The following PTPRN2 variants were observed in gnomAD, a reference collection of about 807,000 sequenced individuals.
PTPRN2 encodes protein tyrosine phosphatase receptor type N2.
A neutral mutation model predicts 118.8 loss-of-function variants in PTPRN2; 74 were observed. That is an observed-to-expected ratio of 0.62 (90% CI 0.52 to 0.76). PTPRN2 has a LOEUF of 0.76. PTPRN2 is among the 30% of genes least tolerant of loss of function. PTPRN2 has a pLI of 0.00. For missense variants in PTPRN2, 1,481 were observed against 1,394.4 expected (o/e 1.06, Z -0.99); for synonymous variants, 641 against 608.0 (o/e 1.05, Z -0.80).
chr7:157,623,444 A>G (rs1370209749), intron 14 of PTPRN2, among the ~76,000 whole-genome samples: 2 of 152,218 alleles, frequency 1.3e-5, no homozygotes, highest in African/African-American at 2.4e-5. Context: ...ATCCATCACA[A>G]ACAAATGGGC....
chr7:158,173,030 A>G (rs941012841), intron 5 of PTPRN2, among the ~76,000 whole-genome samples: 1 of 149,278 alleles, frequency 6.7e-6, no homozygotes, highest in Non-Finnish European at 1.5e-5. Context: ...CCATAGCAGG[A>G]TCCCCACCAT....
intron 12 of PTPRN2, among the ~76,000 whole-genome samples, chr7:157,762,725 C>A (rs1802210936): frequency 6.6e-6 from 1 of 151,784 alleles, no homozygotes; most frequent in Non-Finnish European, 1.5e-5. Context: ...GCACATGTAC[C>A]CTAAAACTTA....
chr7:157,947,750 G>A (rs896624111), intron 11 of PTPRN2, among the ~76,000 whole-genome samples: 5 of 152,140 alleles, frequency 3.3e-5, no homozygotes, highest in African/African-American at 7.2e-5. Flanking sequence ...AGAGATCCAT[G>A]CTGACATATT....
Position 157,568,882 on chromosome 7 carries a change from C to G in PTPRN2, c.2902+20G>C. On this transcript the variant is annotated intron_variant, in intron 21 of 22. Coordinates refer to ENST00000389418, the MANE Select transcript of PTPRN2 (RefSeq NM_002847.5). ...ATCCCAGCTCTGAGCCGCAACAAAG[C>G]GGCAGTGTCTGTGTCTCACCTTTGG... 1.3e-6 allele frequency: 2 copies of G among 1,537,544 alleles called. No individual in the cohort carries two copies. Among genetic ancestry groups the G allele is most frequent in the Non-Finnish European group, 1.8e-6 (2 of 1,110,662 alleles).
At chr7:157,688,234 T>C (rs373216521) in intron 12 of PTPRN2, among the ~76,000 whole-genome samples, 54 of 152,350 alleles carry the variant, frequency 3.5e-4, no homozygotes, top group African/African-American at 1.3e-3. Context: ...TAAAAGTGAA[T>C]ATACAAGAAA....
intron 12 of PTPRN2, among the ~76,000 whole-genome samples, chr7:157,689,358 G>C (rs942170116): frequency 1.3e-5 from 2 of 152,202 alleles, no homozygotes; most frequent in East Asian, 3.9e-4. Context: ...GCGCAGCTCG[G>C]GGGGCGGGAC....
At chr7:157,983,359 C>A (rs553799578) in intron 11 of PTPRN2, among the ~76,000 whole-genome samples, 1 of 151,188 alleles carries the variant, frequency 6.6e-6, no homozygotes, top group South Asian at 2.1e-4. Flanking sequence ...CCCCCTAAAC[C>A]CCGAGTCATA....
chr7:157,714,466 C>T (rs956347373), intron 12 of PTPRN2, among the ~76,000 whole-genome samples: 20 of 152,060 alleles, frequency 1.3e-4, no homozygotes, highest in South Asian at 4.1e-4. Flanking sequence ...TTATCCAGGG[C>T]GAGCTACTAT....
chr7:157,541,981 C>G (rs1288147784), intron 22 of PTPRN2, among the ~76,000 whole-genome samples: 2 of 152,212 alleles, frequency 1.3e-5, no homozygotes, highest in African/African-American at 2.4e-5. Flanking sequence ...CGTGTTAGAA[C>G]CTATTATTAA....
At chr7:157,564,600 A>G (rs542373717) in intron 21 of PTPRN2, among the ~76,000 whole-genome samples, 8 of 152,254 alleles carry the variant, frequency 5.3e-5, no homozygotes, top group Non-Finnish European at 8.8e-5. Flanking sequence ...AAATACAAAC[A>G]GCCCACTTCA....
intron 12 of PTPRN2, among the ~76,000 whole-genome samples, chr7:157,833,566 C>T (rs1468082138): frequency 6.6e-6 from 1 of 151,630 alleles, no homozygotes; most frequent in African/African-American, 2.4e-5. Flanking sequence ...GTGGCCGGTG[C>T]CCATCTATCC....
chr7:158,155,538 T>A (rs1418093958), intron 6 of PTPRN2, among the ~76,000 whole-genome samples: 1 of 56,772 alleles, frequency 1.8e-5, no homozygotes, highest in Non-Finnish European at 3.8e-5. Flanking sequence ...ATCAGCACTA[T>A]CATCACCATC....
At chr7:157,722,870 G>A (rs915941346) in intron 12 of PTPRN2, among the ~76,000 whole-genome samples, 19 of 152,156 alleles carry the variant, frequency 1.2e-4, no homozygotes, top group African/African-American at 4.6e-4. Flanking sequence ...GCCATGCTTG[G>A]TGGTGGGGCC....
At chr7:158,393,891 T>A (rs1340988028) in intron 2 of PTPRN2, among the ~76,000 whole-genome samples, 1 of 151,730 alleles carries the variant, frequency 6.6e-6, no homozygotes, top group African/African-American at 2.4e-5. Flanking sequence ...CAAGGCCACG[T>A]CCCCTAACAC....
intron 2 of PTPRN2, among the ~76,000 whole-genome samples, chr7:158,434,102 C>T (rs1325480019): frequency 6.6e-6 from 1 of 152,080 alleles, no homozygotes; most frequent in Non-Finnish European, 1.5e-5. Flanking sequence ...CTGATCAAAA[C>T]ATTTCCGTCT....
In PTPRN2 at chr7:158,269,911, C is replaced by T. The variant is rs1047066751; in HGVS notation, c.277+46908G>A. ...AGACAGAGAGACAGAGACATAGAGACAGAGAAACAGAGAGACAGAGATAGA... is the reference window on the plus strand; with the variant it reads ...AGACAGAGAGACAGAGACATAGAGATAGAGAAACAGAGAGACAGAGATAGA... On this transcript the variant is annotated intron_variant, in intron 3 of 22. Coordinates refer to ENST00000389418, the MANE Select transcript of PTPRN2 (RefSeq NM_002847.5). Among the ~76,000 whole-genome samples, 16 of 113,330 alleles carry T rather than the reference C, an allele frequency of 1.4e-4. No individual in the cohort carries two copies. In the South Asian group the frequency reaches 3.6e-3, roughly 25 times the overall value. The allele number at this position is 113,330 out of a possible 152,430, so 74.3% of individuals were successfully genotyped here. A position where few individuals can be genotyped will look rare whatever the true frequency, so the allele number is the denominator to read the frequency against.
intron 12 of PTPRN2, among the ~76,000 whole-genome samples, chr7:157,760,394 C>T (rs1048813740): frequency 3.3e-5 from 5 of 151,994 alleles, no homozygotes; most frequent in East Asian, 1.9e-4. Flanking sequence ...TCTACATGCA[C>T]GACCCCAAAC....
At chr7:157,557,410 A>G (rs561238298) in intron 21 of PTPRN2, among the ~76,000 whole-genome samples, 1 of 151,954 alleles carries the variant, frequency 6.6e-6, no homozygotes, top group South Asian at 2.1e-4. Flanking sequence ...CAGAACACTC[A>G]CAGCTCACAC....
chr7:158,171,346 TATACAC>T lies in PTPRN2; in HGVS notation c.550-4061_550-4056del, dbSNP rs1259546154. 3.5e-4 allele frequency among the ~76,000 whole-genome samples: 41 copies of T among 117,624 alleles called. 1 individual carries two copies. The highest frequency in any genetic ancestry group is 1.7e-3 in the African/African-American group (41 of 24,050). The allele number at this position is 117,624 out of a possible 152,430, so 77.2% of individuals were successfully genotyped here. Reference sequence around the variant, plus strand: ...ATATATATATATATATATATATATATATACACACACACATTTTTTTAAGACATAGTC... The same window carrying T: ...ATATATATATATATATATATATATATACACACATTTTTTTAAGACATAGTC... On this transcript the variant is annotated intron_variant, in intron 5 of 22. Transcript: ENST00000389418.
Sources: gnomAD v4.1 joint callset for allele counts (sites outside exome capture counted in the v4.1 genomes callset) on GRCh38, gnomAD v4.1.1 for gene constraint, MANE v1.5 for transcripts, NCBI Gene and HGNC (gene_info 2026-07-23, HGNC 2026-07-21) for gene names.